The following CCNY variants were observed in gnomAD, a reference collection of about 807,000 sequenced individuals.
CCNY encodes the protein cyclin Y, also known as cyclin-Y.
Under a neutral mutation model 42.8 loss-of-function variants are expected in CCNY, and 19 were observed. The observed-to-expected ratio is 0.44, with a 90% CI of 0.31 to 0.65. The LOEUF is 0.65. Ranked by LOEUF, CCNY falls within the 30% of genes least tolerant of loss-of-function variation. CCNY has a pLI of 0.07. For missense variants in CCNY, 370 were observed against 437.3 expected (o/e 0.85, Z 1.37); for synonymous variants, 165 against 162.7 (o/e 1.01, Z -0.11).
At chr10:35,324,017 CA>C (rs35546209) in intron 3 of CCNY, among the ~76,000 whole-genome samples, 53,274 of 134,856 alleles carry the variant, frequency 0.4, 9,415 homozygotes, top group African/African-American at 0.44. Context: ...GACTTTGCCT[CA>C]AAAAAAAAAA....
chr10:35,293,983 T>A (rs2135066106), intron 3 of CCNY, among the ~76,000 whole-genome samples: 1 of 152,244 alleles, frequency 6.6e-6, no homozygotes, highest in Admixed American at 6.5e-5. Flanking sequence ...AGAGACAGGC[T>A]TTCACCATGT....
At chr10:35,399,315 C>CCCAGGGGGTCCTTCTGCATGG (rs56799045) in intron 1 of CCNY, among the ~76,000 whole-genome samples, 1 of 151,778 alleles carries the variant, frequency 6.6e-6, no homozygotes, top group South Asian at 2.1e-4. Context: ...GGCTTGACTG[C>CCCAGGGGGTCCTTCTGCATGG]CCAGGATGCT....
chr10:35,460,894 A>G (rs1007506007), intron 1 of CCNY, among the ~76,000 whole-genome samples: 27 of 152,174 alleles, frequency 1.8e-4, no homozygotes, highest in Non-Finnish European at 2.9e-4. Flanking sequence ...TGTGTCTAAG[A>G]TGAACAGGAT....
intron 7 of CCNY, among the ~76,000 whole-genome samples, chr10:35,543,658 C>G (rs1213212055): frequency 1.3e-5 from 2 of 151,950 alleles, no homozygotes; most frequent in African/African-American, 4.8e-5. Flanking sequence ...GTTTACTATA[C>G]TATACTTTTT....
intron 1 of CCNY, among the ~76,000 whole-genome samples, chr10:35,361,649 G>A (rs918805551): frequency 6.6e-6 from 1 of 152,064 alleles, no homozygotes; most frequent in African/African-American, 2.4e-5. Flanking sequence ...TCTGAGAATC[G>A]GCATTCTGCT....
At chr10:35,471,896 G>A (rs556309904) in intron 1 of CCNY, among the ~76,000 whole-genome samples, 1 of 152,258 alleles carries the variant, frequency 6.6e-6, no homozygotes, top group Non-Finnish European at 1.5e-5. Context: ...TTAATTTATG[G>A]ATTATCTTGC....
chr10:35,521,340 G>A (rs1378140633), intron 4 of CCNY, among the ~76,000 whole-genome samples: 1 of 152,208 alleles, frequency 6.6e-6, no homozygotes, highest in Non-Finnish European at 1.5e-5. Flanking sequence ...GGTCCCCTGA[G>A]TTCTTTCTGT....
At chr10:35,312,830 T>C (rs570922676) in intron 3 of CCNY, among the ~76,000 whole-genome samples, 250 of 150,852 alleles carry the variant, frequency 1.7e-3, no homozygotes, top group Non-Finnish European at 3.1e-3. Context: ...TGGCTCTCTG[T>C]AGCCTCAAAC....
At chr10:35,501,873 C>G (rs1005182499) in intron 3 of CCNY, among the ~76,000 whole-genome samples, 7 of 152,160 alleles carry the variant, frequency 4.6e-5, no homozygotes, top group Non-Finnish European at 1.0e-4. Context: ...CCAAATTATT[C>G]TTTTTCTCTT....
chr10:35,526,487 G>A (rs909134125), intron 5 of CCNY, among the ~76,000 whole-genome samples: 6 of 151,756 alleles, frequency 4.0e-5, no homozygotes, highest in Non-Finnish European at 8.8e-5. Context: ...GTTAAAACAG[G>A]GAGTGAAAAA....
rs533977333 is a variant in CCNY, at chr10:35,451,288, C to T, written c.155-32116C>T. On this transcript the variant is annotated intron_variant, in intron 1 of 9. Transcript: ENST00000374704. Reference sequence around the variant, plus strand: ...AGGAAAGAAGAAATGGGATTTGCACCGTCATGGACTGATACTGCCTGGGTG... The same window carrying T: ...AGGAAAGAAGAAATGGGATTTGCACTGTCATGGACTGATACTGCCTGGGTG... Among the ~76,000 whole-genome samples the T allele has an allele frequency of 7.9e-5, 12 of 152,260 alleles. 1 individual carries two copies. In the South Asian group the frequency reaches 1.4e-3, roughly 18 times the overall value.
chr10:35,347,920 A>T (rs994573563), intron 1 of CCNY, among the ~76,000 whole-genome samples: 2 of 152,244 alleles, frequency 1.3e-5, no homozygotes, highest in Non-Finnish European at 2.9e-5. Flanking sequence ...TATCCTGTCA[A>T]AGTCCCGGAG....
chr10:35,569,271 T>C lies in CCNY; in HGVS notation c.*101T>C. ...TTTGTTTTTGTTTTTTCTTTCCTTT[T>C]CTTTTTTTACGCATAGCTCCGTCAA... On this transcript the variant is annotated 3_prime_UTR_variant, in exon 10 of 10. Transcript: ENST00000374704. 2.6e-6 allele frequency: 2 copies of C among 776,964 alleles called. No homozygotes were observed. The highest frequency in any genetic ancestry group is 4.4e-6 in the Non-Finnish European group (2 of 455,198). The allele number at this position is 776,964 out of a possible 1,614,324, so 48.1% of individuals were successfully genotyped here.
At chr10:35,551,623 C>A (rs895679790) in intron 7 of CCNY, among the ~76,000 whole-genome samples, 5 of 151,988 alleles carry the variant, frequency 3.3e-5, no homozygotes, top group African/African-American at 4.8e-5. Context: ...GACGTACTAT[C>A]AATAATAAAC....
At chr10:35,494,578 G>A (rs931325341) in intron 2 of CCNY, among the ~76,000 whole-genome samples, 1 of 152,006 alleles carries the variant, frequency 6.6e-6, no homozygotes, top group Non-Finnish European at 1.5e-5. Flanking sequence ...AATGAAGGAA[G>A]TTGCCTAAAA....
chr10:35,556,055 T>C (rs1039275941), intron 8 of CCNY, among the ~76,000 whole-genome samples: 4 of 152,184 alleles, frequency 2.6e-5, no homozygotes, highest in Admixed American at 1.3e-4. Flanking sequence ...AAATTGATCA[T>C]TTTTTAGCCT....
intron 1 of CCNY, among the ~76,000 whole-genome samples, chr10:35,414,498 C>T (rs780529562): frequency 2.0e-5 from 3 of 152,220 alleles, no homozygotes; most frequent in African/African-American, 7.2e-5. Flanking sequence ...TGCCTTAGCA[C>T]AGAGGTGACA....
chr10:35,477,112 C>T (rs1169423574), intron 1 of CCNY, among the ~76,000 whole-genome samples: 1 of 151,970 alleles, frequency 6.6e-6, no homozygotes, highest in African/African-American at 2.4e-5. Context: ...CTGAATAGAC[C>T]AATAACAGGA....
chr10:35,539,918 A>G (rs1246333921), intron 7 of CCNY, among the ~76,000 whole-genome samples: 2 of 152,194 alleles, frequency 1.3e-5, no homozygotes, highest in African/African-American at 4.8e-5. Flanking sequence ...ATTTTTATAG[A>G]TTGATCTTGT....
Sources: gnomAD v4.1 joint callset for allele counts (sites outside exome capture counted in the v4.1 genomes callset) on GRCh38, gnomAD v4.1.1 for gene constraint, MANE v1.5 for transcripts, NCBI Gene and HGNC (gene_info 2026-07-23, HGNC 2026-07-21) for gene names.